Variants in PCDH7 observed in about 807,000 individuals in gnomAD.
PCDH7 encodes the protein protocadherin 7, also known as protocadherin-7.
In PCDH7, 17 loss-of-function variants were observed where a neutral mutation model predicts 58.9. That is an observed-to-expected ratio of 0.29 (90% CI 0.20 to 0.43). PCDH7 has a LOEUF of 0.43. Ranked by LOEUF, PCDH7 falls within the 20% of genes least tolerant of loss-of-function variation. PCDH7 has a pLI of 1.00. For synonymous variants in PCDH7, 664 were observed against 616.4 expected (o/e 1.08, Z -1.14); for missense variants, 1,274 against 1,441.0 (o/e 0.88, Z 1.88).
intron 3 of PCDH7, among the ~76,000 whole-genome samples, chr4:30,967,071 A>G (rs1749062296): frequency 1.3e-5 from 2 of 152,140 alleles, no homozygotes; most frequent in African/African-American, 4.8e-5. Flanking sequence ...GTCAATATAA[A>G]TAAAATGTGG....
intron 3 of PCDH7, among the ~76,000 whole-genome samples, chr4:31,001,442 T>C (rs1176862701): frequency 6.6e-6 from 1 of 152,128 alleles, no homozygotes; most frequent in Non-Finnish European, 1.5e-5. Flanking sequence ...CACTCATGTA[T>C]CTGAGGAGTG....
At chr4:31,043,937 A>G (rs1287058306) in intron 3 of PCDH7, among the ~76,000 whole-genome samples, 1 of 152,142 alleles carries the variant, frequency 6.6e-6, no homozygotes, top group African/African-American at 2.4e-5. Context: ...TAAGGGACTT[A>G]AAATTAAATG....
intron 1 of PCDH7, among the ~76,000 whole-genome samples, chr4:30,841,029 C>T (rs540880106): frequency 4.6e-5 from 7 of 151,982 alleles, no homozygotes; most frequent in Admixed American, 2.0e-4. Context: ...ACACTTAAAA[C>T]GTAAGACTAT....
At chr4:30,936,994 T>C (rs937653149) in intron 2 of PCDH7, among the ~76,000 whole-genome samples, 5 of 115,110 alleles carry the variant, frequency 4.3e-5, no homozygotes, top group Non-Finnish European at 1.1e-4. Flanking sequence ...CACACCTGCA[T>C]TGTATCCTTC....
chr4:31,018,374 A>G (rs1238332442), intron 3 of PCDH7, among the ~76,000 whole-genome samples: 1 of 152,190 alleles, frequency 6.6e-6, no homozygotes, highest in Non-Finnish European at 1.5e-5. Context: ...TCTATCTAAG[A>G]CAACATTCTT....
intron 1 of PCDH7, among the ~76,000 whole-genome samples, chr4:30,816,180 G>A (rs575637688): frequency 5.3e-5 from 8 of 151,770 alleles, no homozygotes; most frequent in Admixed American, 3.3e-4. Flanking sequence ...AGTTAAATTA[G>A]GTGAAATGAG....
intron 1 of PCDH7, among the ~76,000 whole-genome samples, chr4:30,791,450 T>C (rs1031006859): frequency 2.0e-5 from 3 of 152,182 alleles, no homozygotes; most frequent in African/African-American, 4.8e-5. Flanking sequence ...AAGAATTCAA[T>C]AAATGCCAGC....
chr4:30,980,000 T>C (rs61792876), intron 3 of PCDH7, among the ~76,000 whole-genome samples: 33,646 of 152,052 alleles, frequency 0.22, 3,863 homozygotes, highest in African/African-American at 0.27. Context: ...TTTGTCACAG[T>C]GATTTTAACA....
rs114964339 is a variant in PCDH7, at chr4:31,130,820, A to G, written c.*8-11653A>G. Among the ~76,000 whole-genome samples, 820 of 152,140 alleles carry G rather than the reference A, an allele frequency of 5.4e-3. 7 individuals carry two copies. Among genetic ancestry groups the G allele is most frequent in the African/African-American group, 0.018 (768 of 41,520 alleles). On this transcript the variant is annotated intron_variant, in intron 3 of 3. Transcript: ENST00000509759. Reference sequence around the variant, plus strand: ...TACATGGGCTTTTCTTCTGTCTCCCACTTCCACTTCTAAGAAGCCCTGTGA... The same window carrying G: ...TACATGGGCTTTTCTTCTGTCTCCCGCTTCCACTTCTAAGAAGCCCTGTGA...
intron 1 of PCDH7, among the ~76,000 whole-genome samples, chr4:30,800,259 G>C (rs921340004): frequency 6.6e-6 from 1 of 151,980 alleles, no homozygotes; most frequent in Non-Finnish European, 1.5e-5. Flanking sequence ...AACCAATGGA[G>C]TGTAGGAGTA....
At chr4:31,024,358 A>G (rs1329996903) in intron 3 of PCDH7, among the ~76,000 whole-genome samples, 1 of 152,194 alleles carries the variant, frequency 6.6e-6, no homozygotes, top group Non-Finnish European at 1.5e-5. Flanking sequence ...GGAGAATTGA[A>G]AAAATTACAG....
chr4:30,842,271 C>G (rs1469926060), intron 1 of PCDH7, among the ~76,000 whole-genome samples: 1 of 152,076 alleles, frequency 6.6e-6, no homozygotes, highest in African/African-American at 2.4e-5. Context: ...TATTAAGGAG[C>G]ACACAAATTA....
At chr4:30,821,644 A>G (rs570194962) in intron 1 of PCDH7, among the ~76,000 whole-genome samples, 1 of 152,304 alleles carries the variant, frequency 6.6e-6, no homozygotes, top group East Asian at 1.9e-4. Flanking sequence ...TTGTCTTCTT[A>G]GTCTTAAATA....
chr4:31,111,225 G>C (rs1022062905), intron 3 of PCDH7, among the ~76,000 whole-genome samples: 1 of 127,082 alleles, frequency 7.9e-6, no homozygotes, highest in African/African-American at 3.5e-5. Context: ...TTTTGTAATT[G>C]GCAGTTAAAA....
chr4:30,870,998 T>G (rs1235367798), intron 1 of PCDH7, among the ~76,000 whole-genome samples: 1 of 152,100 alleles, frequency 6.6e-6, no homozygotes, highest in Non-Finnish European at 1.5e-5. Flanking sequence ...TTTATTTGGC[T>G]CTTCTGTGAG....
chr4:30,736,550 T>TG (rs1716302102), downstream of PCDH7, among the ~76,000 whole-genome samples: 1 of 150,296 alleles, frequency 6.7e-6, no homozygotes, highest in Non-Finnish European at 1.5e-5. Flanking sequence ...TTTTTTTTTT[T>TG]TTTGAGACGG....
At chr4:30,759,072 G>A (rs537022187) in intron 1 of PCDH7, among the ~76,000 whole-genome samples, 1 of 151,324 alleles carries the variant, frequency 6.6e-6, no homozygotes, top group East Asian at 2.0e-4. Context: ...CTCCCGAGTA[G>A]TTGGGATTAC....
intron 1 of PCDH7, among the ~76,000 whole-genome samples, chr4:30,880,112 A>C (rs1736780788): frequency 1.3e-5 from 2 of 152,090 alleles, no homozygotes; most frequent in Admixed American, 6.6e-5. Context: ...GCTTAGGATG[A>C]ATTTTAACTT....
At chr4:30,863,227 A>T (rs1424284568) in intron 1 of PCDH7, among the ~76,000 whole-genome samples, 1 of 152,102 alleles carries the variant, frequency 6.6e-6, no homozygotes, top group Non-Finnish European at 1.5e-5. Flanking sequence ...TGCCCAGAAA[A>T]TGATGCCTCA....
Sources: gnomAD v4.1 joint callset for allele counts (sites outside exome capture counted in the v4.1 genomes callset) on GRCh38, gnomAD v4.1.1 for gene constraint, MANE v1.5 for transcripts, NCBI Gene and HGNC (gene_info 2026-07-23, HGNC 2026-07-21) for gene names.